Variants in GALNT17 observed in about 807,000 individuals in gnomAD.
GALNT17 encodes the protein UDP-GalNAc:polypeptide N-acetylgalactosaminyltransferase-like 3.
GALNT17 carries 29 observed loss-of-function variants against 63.7 expected under a neutral mutation model. That is an observed-to-expected ratio of 0.46 (90% CI 0.34 to 0.62). The LOEUF is 0.62. Among genes scored for constraint, GALNT17 ranks in the 20% least tolerant of loss-of-function variants. The probability of loss-of-function intolerance (pLI) is 0.01; values close to 1 mark genes in which losing one functional copy is unlikely to be tolerated. For synonymous variants in GALNT17, 305 were observed against 318.3 expected (o/e 0.96, Z 0.45); for missense variants, 603 against 799.6 (o/e 0.75, Z 2.97).
chr7:71,436,828 T>C (rs1227485739), intron 5 of GALNT17, among the ~76,000 whole-genome samples: 1 of 152,162 alleles, frequency 6.6e-6, no homozygotes, highest in African/African-American at 2.4e-5. Flanking sequence ...ACAGTGTGAG[T>C]TTGACTGTCT....
At chr7:71,465,219 A>G (rs1787515538) in intron 5 of GALNT17, among the ~76,000 whole-genome samples, 2 of 152,202 alleles carry the variant, frequency 1.3e-5, no homozygotes, top group Non-Finnish European at 2.9e-5. Flanking sequence ...ACTTGTGGGT[A>G]TACCCTCCTT....
chr7:71,489,315 C>A (rs962499773), intron 5 of GALNT17, among the ~76,000 whole-genome samples: 2 of 152,160 alleles, frequency 1.3e-5, no homozygotes, highest in African/African-American at 4.8e-5. Context: ...TAAAATGCTT[C>A]ATTCACACCC....
intron 3 of GALNT17, among the ~76,000 whole-genome samples, chr7:71,402,488 A>T: frequency 6.6e-6 from 1 of 152,198 alleles, no homozygotes. Flanking sequence ...TGCATTTCAC[A>T]TTGTACATAT....
At chr7:71,297,281 G>A (rs1341460212) in intron 1 of GALNT17, among the ~76,000 whole-genome samples, 2 of 152,214 alleles carry the variant, frequency 1.3e-5, no homozygotes, top group African/African-American at 2.4e-5. Context: ...AGTGGCTCAT[G>A]CCTGTAATCC....
intron 5 of GALNT17, among the ~76,000 whole-genome samples, chr7:71,457,860 G>T (rs185055947): frequency 9.3e-4 from 142 of 152,258 alleles, no homozygotes; most frequent in Non-Finnish European, 1.5e-3. Context: ...AGCCCAGTAG[G>T]TTCCAGCCTT....
chr7:71,632,107 A>G (rs1030106579), intron 6 of GALNT17, among the ~76,000 whole-genome samples: 1 of 152,024 alleles, frequency 6.6e-6, no homozygotes, highest in Non-Finnish European at 1.5e-5. Context: ...AAGAAAAAGA[A>G]AAAAGACTGG....
chr7:71,242,272 CTTTTTTTTTTTTTT>C (rs745542157), intron 1 of GALNT17, among the ~76,000 whole-genome samples: 1 of 86,012 alleles, frequency 1.2e-5, no homozygotes, highest in African/African-American at 4.2e-5. Context: ...TTTTCTTTTT[CTTTTTTTTTTTTTT>C]TGAGACAGAG....
intron 1 of GALNT17, among the ~76,000 whole-genome samples, chr7:71,152,101 T>C (rs1788145858): frequency 6.6e-6 from 1 of 152,186 alleles, no homozygotes; most frequent in Non-Finnish European, 1.5e-5. Flanking sequence ...TTTAATTTTT[T>C]TTTTCTGCGT....
chr7:71,300,339 T>C (rs1791172038), intron 1 of GALNT17: 1 of 410,288 alleles, frequency 2.4e-6, no homozygotes, highest in Admixed American at 3.0e-5. Flanking sequence ...GCTTGTTGGA[T>C]TTCAAAACCA....
At chr7:71,263,159 A>T (rs1161901242) in intron 1 of GALNT17, among the ~76,000 whole-genome samples, 1 of 152,008 alleles carries the variant, frequency 6.6e-6, no homozygotes, top group African/African-American at 2.4e-5. Flanking sequence ...GGAGATTGAG[A>T]CCATCCTGGC....
chr7:71,223,245 G>A (rs1789619995), intron 1 of GALNT17, among the ~76,000 whole-genome samples: 1 of 152,126 alleles, frequency 6.6e-6, no homozygotes, highest in African/African-American at 2.4e-5. Context: ...GGACGTTGCT[G>A]GCAGTCTAAG....
intron 1 of GALNT17, among the ~76,000 whole-genome samples, chr7:71,208,224 A>C (rs1042636293): frequency 2.6e-5 from 4 of 152,224 alleles, no homozygotes; most frequent in African/African-American, 9.6e-5. Context: ...GTCATGAGCC[A>C]GCACGCCTGG....
At chr7:71,336,064 G>C (rs1791900157) in intron 2 of GALNT17, among the ~76,000 whole-genome samples, 1 of 106,910 alleles carries the variant, frequency 9.4e-6, no homozygotes, top group South Asian at 3.1e-4. Flanking sequence ...TTTTTTTTGA[G>C]ACAGAGTGTC....
intron 5 of GALNT17, among the ~76,000 whole-genome samples, chr7:71,566,522 C>T (rs558193742): frequency 1.3e-5 from 2 of 152,268 alleles, no homozygotes; most frequent in South Asian, 2.1e-4. Context: ...GGACATCTCC[C>T]AGTCCCCTGC....
At chr7:71,305,175 T>C (rs1791266314) in intron 1 of GALNT17, among the ~76,000 whole-genome samples, 1 of 152,150 alleles carries the variant, frequency 6.6e-6, no homozygotes, top group Admixed American at 6.6e-5. Flanking sequence ...GACTTTATTA[T>C]TTTTCTTCTA....
chr7:71,152,011 G>A (rs889698161), intron 1 of GALNT17, among the ~76,000 whole-genome samples: 3 of 152,156 alleles, frequency 2.0e-5, no homozygotes, highest in Admixed American at 6.5e-5. Flanking sequence ...AGATAAAAAT[G>A]GAGTTCGGGG....
intron 1 of GALNT17, among the ~76,000 whole-genome samples, chr7:71,221,383 CTTTTT>C (rs33954579): frequency 1.4e-4 from 15 of 110,864 alleles, no homozygotes; most frequent in South Asian, 1.2e-3. Context: ...TACAGCCATG[CTTTTT>C]TTTTTTTTTT....
intron 5 of GALNT17, among the ~76,000 whole-genome samples, chr7:71,431,188 T>A (rs1044524586): frequency 1.3e-5 from 2 of 148,348 alleles, no homozygotes; most frequent in Non-Finnish European, 3.0e-5. Flanking sequence ...ACCCTATGAG[T>A]ATTTTTTTTT....
chr7:71,444,903 C>T (rs1787132873), intron 5 of GALNT17, among the ~76,000 whole-genome samples: 1 of 152,176 alleles, frequency 6.6e-6, no homozygotes, highest in Non-Finnish European at 1.5e-5. Context: ...ACAAATGACT[C>T]TCCAGGAGAA....
Sources: gnomAD v4.1 joint callset for allele counts (sites outside exome capture counted in the v4.1 genomes callset) on GRCh38, gnomAD v4.1.1 for gene constraint, MANE v1.5 for transcripts, NCBI Gene and HGNC (gene_info 2026-07-23, HGNC 2026-07-21) for gene names.